GRIN2B: variants seen among roughly 807,000 people sequenced by gnomAD.
GRIN2B encodes glutamate ionotropic receptor NMDA type subunit 2B, also known as glutamate receptor ionotropic, NMDA 2B.
GRIN2B carries 5 observed loss-of-function variants against 114.5 expected under a neutral mutation model. The ratio of observed to expected loss-of-function variants is 0.04; its 90% CI spans 0.02 to 0.09. The LOEUF is 0.09. GRIN2B is among the 10% of genes least tolerant of loss of function. GRIN2B has a pLI of 1.00. For synonymous variants in GRIN2B, 787 were observed against 745.1 expected (o/e 1.06, Z -0.92); for missense variants, 1,108 against 1,943.5 (o/e 0.57, Z 8.08).
intron 2 of GRIN2B, among the ~76,000 whole-genome samples, chr12:13,891,715 T>C (rs1002500437): frequency 7.2e-5 from 11 of 152,132 alleles, no homozygotes; most frequent in Non-Finnish European, 1.3e-4. Flanking sequence ...AATTGAATCC[T>C]CTATTTAGCC....
At chr12:13,977,752 TG>T (rs1444981025) in intron 2 of GRIN2B, among the ~76,000 whole-genome samples, 2 of 152,152 alleles carry the variant, frequency 1.3e-5, no homozygotes, top group Non-Finnish European at 2.9e-5. Flanking sequence ...CCTGCGAGGA[TG>T]GGGAACACCT....
intron 5 of GRIN2B, among the ~76,000 whole-genome samples, chr12:13,622,683 G>A (rs1165636808): frequency 6.6e-6 from 1 of 151,984 alleles, no homozygotes; most frequent in Non-Finnish European, 1.5e-5. Flanking sequence ...ATCTGGCAAG[G>A]GCCTTCTTGC....
At chr12:13,789,145 G>A (rs1864272810) in intron 3 of GRIN2B, among the ~76,000 whole-genome samples, 3 of 152,128 alleles carry the variant, frequency 2.0e-5, no homozygotes, top group Non-Finnish European at 4.4e-5. Context: ...GTCAAATCAT[G>A]TTTTATCCAT....
intron 5 of GRIN2B, among the ~76,000 whole-genome samples, chr12:13,627,502 G>T (rs1392192667): frequency 6.6e-6 from 1 of 152,222 alleles, no homozygotes; most frequent in African/African-American, 2.4e-5. Context: ...GGTTGTGGTG[G>T]CAGTAGTGAC....
intron 3 of GRIN2B, among the ~76,000 whole-genome samples, chr12:13,758,681 T>C (rs936961557): frequency 3.3e-5 from 5 of 152,234 alleles, no homozygotes; most frequent in African/African-American, 1.2e-4. Context: ...TGATTATCCT[T>C]AAGACCCAAT....
chr12:13,880,201 C>A (rs576138696), intron 2 of GRIN2B, among the ~76,000 whole-genome samples: 1 of 152,280 alleles, frequency 6.6e-6, no homozygotes, highest in Middle Eastern at 3.4e-3. Flanking sequence ...AGCTTTTGAG[C>A]TGGACTAAAG....
At chr12:13,834,218 T>TTTTTTTTTTTTTTTTTTTTTC (rs1565555844) in intron 3 of GRIN2B, among the ~76,000 whole-genome samples, 3 of 146,516 alleles carry the variant, frequency 2.0e-5, no homozygotes, top group African/African-American at 7.7e-5. Flanking sequence ...TTTTTTTTTT[T>TTTTTTTTTTTTTTTTTTTTTC]AGTAGAGATG....
chr12:13,674,016 C>A (rs1367463950), intron 5 of GRIN2B, among the ~76,000 whole-genome samples: 1 of 152,016 alleles, frequency 6.6e-6, no homozygotes, highest in Non-Finnish European at 1.5e-5. Context: ...CAGGGAACAA[C>A]CATTTCTGAA....
At chr12:13,634,228 T>TGCTTTCCAGGA (rs1949644464) in intron 5 of GRIN2B, 1 of 152,230 alleles carries the variant, frequency 6.6e-6, no homozygotes, top group East Asian at 1.9e-4. Context: ...ACACAGATTC[T>TGCTTTCCAGGA]GCTTTCCAGG....
chr12:13,847,702 G>A (rs967099487), intron 3 of GRIN2B, among the ~76,000 whole-genome samples: 1 of 152,050 alleles, frequency 6.6e-6, no homozygotes, highest in Non-Finnish European at 1.5e-5. Flanking sequence ...AGGAGAGAAA[G>A]GAGGACAGAG....
Position 13,563,548 on chromosome 12 carries a change from C to T in GRIN2B, c.3690G>A (p.Thr1230=), listed in dbSNP as rs200609066. 13 of 1,614,116 alleles carry T rather than the reference C, an allele frequency of 8.1e-6. No individual in the cohort carries two copies. The South Asian group carries it at 8.8e-5, about 11-fold the overall frequency. ...SKLHNYSTTV[T]GQNSGRQACI... is the part of the protein sequence containing the mutation. ...ACGCCTGCCTGCCCGAGTTCTGACC[C>T]GTCACCGTCGTGGAGTAGTTGTGCA... is the stretch of plus-strand genomic sequence containing the variant. The change falls in exon 14 of 14, where the codon ACG becomes ACA. Residue 1230 remains threonine, a synonymous_variant. Transcript: ENST00000609686.
At chr12:13,791,038 G>A (rs1864310446) in intron 3 of GRIN2B, among the ~76,000 whole-genome samples, 1 of 152,166 alleles carries the variant, frequency 6.6e-6, no homozygotes. Context: ...GGAGAAGGTG[G>A]CTTGGGGCAG....
chr12:13,752,377 G>A (rs1177473599), intron 4 of GRIN2B, among the ~76,000 whole-genome samples: 2 of 152,082 alleles, frequency 1.3e-5, no homozygotes, highest in Non-Finnish European at 2.9e-5. Context: ...GTGTATTTAT[G>A]TCCATATAAA....
rs1355571961 is a variant in GRIN2B, at chr12:13,549,712, A to G, written c.*13071T>C. On this transcript the variant is annotated 3_prime_UTR_variant, in exon 14 of 14. Transcript: ENST00000609686. ...CTAAAAAAAATTTTTAATAATAAAA[A>G]ATTATTCACAATATCTTACCCTATA... 6.6e-6 allele frequency: 1 copy of G among 152,186 alleles called. No individual in the cohort carries two copies. The highest frequency in any genetic ancestry group is 2.4e-5 in the African/African-American group (1 of 41,442). 9.4% of individuals were successfully genotyped at this position (152,186 alleles called of 1,614,324 possible).
chr12:13,866,219 T>C lies in GRIN2B; in HGVS notation c.-11A>G. On this transcript the variant is annotated 5_prime_UTR_variant, in exon 3 of 14. Transcript: ENST00000609686. ...CGCTCTGGGCTTCATCTTCAACTCG[T>C]CGACTCCCTGCAAACACAAAGAAAG... 1 of 1,604,804 alleles carries C rather than the reference T, an allele frequency of 6.2e-7. No homozygotes were observed. Among genetic ancestry groups the C allele is most frequent in the Non-Finnish European group, 8.5e-7 (1 of 1,179,840 alleles).
At chr12:13,874,559 T>G (rs1223306993) in intron 2 of GRIN2B, among the ~76,000 whole-genome samples, 4 of 152,226 alleles carry the variant, frequency 2.6e-5, no homozygotes, top group African/African-American at 9.6e-5. Flanking sequence ...AGTTCTTAAT[T>G]ATAATTAATT....
chr12:13,596,418 GTCT>G (rs1382741384), intron 10 of GRIN2B, among the ~76,000 whole-genome samples: 3 of 152,200 alleles, frequency 2.0e-5, no homozygotes, highest in Non-Finnish European at 2.9e-5. Context: ...GCTACTCATG[GTCT>G]TCTTGTCACA....
chr12:13,859,607 T>A (rs1203196506), intron 3 of GRIN2B, among the ~76,000 whole-genome samples: 1 of 152,000 alleles, frequency 6.6e-6, no homozygotes, highest in Non-Finnish European at 1.5e-5. Context: ...TTGTCCTGGC[T>A]TTTTTTTCTT....
In GRIN2B at chr12:13,538,627, C is replaced by G. The variant is rs895105515; in HGVS notation, c.*24156G>C. The G allele has an allele frequency of 6.6e-6, 1 of 152,060 alleles. No individual in the cohort carries two copies. Among genetic ancestry groups the G allele is most frequent in the Non-Finnish European group, 1.5e-5 (1 of 68,024 alleles). The allele number at this position is 152,060 out of a possible 1,614,324, so 9.4% of individuals were successfully genotyped here. On this transcript the variant is annotated 3_prime_UTR_variant, in exon 14 of 14. Transcript: ENST00000609686. Reference sequence around the variant, plus strand: ...CCCAGGAGTTCAGAATCAGCCTGGACAACATGGTGAAACCCCGTCTCTACA... The same window carrying G: ...CCCAGGAGTTCAGAATCAGCCTGGAGAACATGGTGAAACCCCGTCTCTACA...
Sources: allele counts gnomAD v4.1 joint callset (sites outside exome capture counted in the v4.1 genomes callset), GRCh38; gene constraint gnomAD v4.1.1; transcripts MANE v1.5; gene names NCBI Gene and HGNC (gene_info 2026-07-23, HGNC 2026-07-21).